Variants in CCDC59 observed in about 807,000 individuals in gnomAD.
CCDC59 encodes thyroid transcription factor 1-associated protein 26.
CCDC59 carries 27 observed loss-of-function variants against 30.5 expected under a neutral mutation model. The ratio of observed to expected loss-of-function variants is 0.89; its 90% CI spans 0.65 to 1.22. CCDC59 has a LOEUF of 1.22. Ranked by LOEUF, CCDC59 falls within the 50% of genes most tolerant of loss-of-function variation. CCDC59 has a pLI of 0.00. For synonymous variants in CCDC59, 125 were observed against 100.9 expected, an observed-to-expected ratio of 1.24 and a Z score of -1.43; for missense variants, 362 against 284.4, an observed-to-expected ratio of 1.27 and a Z score of -1.96.
chr12:82,353,404 T>C, intron 3 of CCDC59, 92 bp from the exon 4 acceptor site: 1 of 1,006,668 alleles, frequency 9.9e-7, no homozygotes, highest in Non-Finnish European at 1.4e-6. Context: ...AAGCAAACAC[T>C]CTAAGGTTTG....
Position 82,352,751 on chromosome 12 carries a change from C to A in CCDC59, c.*400G>T, listed in dbSNP as rs4460873. The A allele has an allele frequency of 6.4e-6, 1 of 155,314 alleles. No individual in the cohort carries two copies. Among genetic ancestry groups the A allele is most frequent in the African/African-American group, 2.4e-5 (1 of 41,452 alleles). The allele number at this position is 155,314 out of a possible 1,614,324, so 9.6% of individuals were successfully genotyped here. On this transcript the variant is annotated 3_prime_UTR_variant, in exon 4 of 4. Transcript: ENST00000256151. The stretch of plus-strand genomic sequence containing the variant: ...TAAAAAGTCCAAGAGGAGTCTTTGC[C>A]TCCCTCATCATTAAAATAAATTTTA...
chr12:82,353,196 A>G lies in CCDC59; in HGVS notation c.681T>C (p.Asn227=), dbSNP rs775825024. 3.1e-6 allele frequency: 5 copies of G among 1,610,060 alleles called. No homozygotes were observed. Among genetic ancestry groups the G allele is most frequent in the Non-Finnish European group, 3.4e-6 (4 of 1,179,150 alleles). ...KKTKKGQPNL[N]VQMEYLLQKI... ...TTTGAAGAAGGTACTCCATTTGTAC[A>G]TTCAAGTTTGGTTGGCCCTTTTTAG... The change falls in exon 4 of 4, where the codon AAT becomes AAC. Residue 227 remains asparagine, a synonymous_variant. Transcript: ENST00000256151.
At chr12:82,358,742 G>A (rs202074644), upstream of CCDC59, 6 of 1,614,140 alleles carry the variant, frequency 3.7e-6, no homozygotes, top group African/African-American at 1.3e-5. Flanking sequence ...AGACAGTGCT[G>A]GCTGCGCTGA....
intron 2 of CCDC59, 173 bp from the exon 3 acceptor site, chr12:82,354,767 TG>T: frequency 2.0e-6 from 1 of 500,070 alleles, no homozygotes; most frequent in Non-Finnish European, 3.2e-6. Context: ...AATCCTAAAA[TG>T]TTAAAAAAAA....
chr12:82,358,519 C>G, upstream of CCDC59: 1 of 1,599,128 alleles, frequency 6.3e-7, no homozygotes, highest in Non-Finnish European at 8.5e-7. Flanking sequence ...CGAGCTGGCG[C>G]CTCACGGCCA....
Position 82,357,182 on chromosome 12 carries a change from A to G in CCDC59, c.242T>C (p.Leu81Pro). The change falls in exon 2 of 4, where the codon CTG becomes CCG. Residue 81 changes from leucine (L) to proline (P), a missense_variant. By Grantham distance (98) the Leu-to-Pro change is moderately conservative. Coordinates refer to ENST00000256151, the MANE Select transcript of CCDC59 (RefSeq NM_014167.5). ...LRKEKKAQTS[L>P]ESQFTDRYPD... Reference sequence around the variant, plus strand: ...GTATCGATCTGTGAATTGAGATTCCAGTGACGTTTGAGCCTTCTTTTCCTT... The same window carrying G: ...GTATCGATCTGTGAATTGAGATTCCGGTGACGTTTGAGCCTTCTTTTCCTT... 6.2e-7 allele frequency: 1 copy of G among 1,614,158 alleles called. No homozygotes were observed. The highest frequency in any genetic ancestry group is 8.5e-7 in the Non-Finnish European group (1 of 1,179,982).
intron 2 of CCDC59, among the ~76,000 whole-genome samples, chr12:82,356,569 A>C (rs1018071836): frequency 6.6e-6 from 1 of 152,168 alleles, no homozygotes; most frequent in African/African-American, 2.4e-5. Flanking sequence ...TTCCCATTTT[A>C]AAGAAGAGGT....
At chr12:82,358,393 C>T, upstream of CCDC59, 2 of 1,612,288 alleles carry the variant, frequency 1.2e-6, no homozygotes, top group African/African-American at 1.3e-5. Context: ...CGACTAACTG[C>T]GTCATCAGAA....
intron 2 of CCDC59, chr12:82,356,224 T>A (rs950361516): frequency 6.6e-6 from 1 of 152,240 alleles, no homozygotes; most frequent in African/African-American, 2.4e-5. Context: ...TAACTTTAAG[T>A]ATGCAGCGAT....
intron 3 of CCDC59, among the ~76,000 whole-genome samples, chr12:82,353,786 C>G (rs1880904727): frequency 1.3e-5 from 2 of 152,084 alleles, no homozygotes; most frequent in Admixed American, 6.5e-5. Context: ...AAAGCAAAAA[C>G]AAGCAAAATT....
chr12:82,354,850 T>A, intron 2 of CCDC59: 1 of 255,110 alleles, frequency 3.9e-6, no homozygotes, highest in South Asian at 7.6e-5. Flanking sequence ...TTAAACTTGT[T>A]GTTTAAGGAT....
chr12:82,357,154 T>C lies in CCDC59; in HGVS notation c.270A>G (p.Pro90=). The change falls in exon 2 of 4, where the codon CCA becomes CCG. Residue 90 remains proline, a synonymous_variant. Coordinates refer to ENST00000256151, the MANE Select transcript of CCDC59 (RefSeq NM_014167.5). ...CTAAATAGAGATGTTTCAGATTATC[T>C]GGGTATCGATCTGTGAATTGAGATT... ...SLESQFTDRY[P]DNLKHLYLAE... The C allele has an allele frequency of 6.2e-7, 1 of 1,614,172 alleles. No homozygotes were observed. Among genetic ancestry groups the C allele is most frequent in the East Asian group, 2.2e-5 (1 of 44,872 alleles).
intron 1 of CCDC59, 152 bp from the exon 2 acceptor site, chr12:82,357,421 A>C: frequency 3.1e-6 from 2 of 646,144 alleles, no homozygotes; most frequent in Non-Finnish European, 5.2e-6. Flanking sequence ...CAAGCAACAA[A>C]TTTAAGCTGA....
In CCDC59 at chr12:82,357,072, G is replaced by A. The variant is rs774729732; in HGVS notation, c.352C>T (p.Gln118Ter). Residue 118 changes from glutamine to a stop codon, truncating the protein, a stop_gained, in exon 2 of 4, where the codon CAA (glutamine) becomes TAA (stop). Transcript: ENST00000256151. LOFTEE classifies it high-confidence loss of function. ...TCTTCAAGCAACGGCTGGTGAACTTGTTCTGACAAAGGATGGTCGACTTTT... is the reference window on the plus strand; with the variant it reads ...TCTTCAAGCAACGGCTGGTGAACTTATTCTGACAAAGGATGGTCGACTTTT... ...ARKVDHPLSE[Q>*]VHQPLLEEQC... is the part of the protein sequence containing the mutation. The A allele has an allele frequency of 6.2e-7, 1 of 1,614,196 alleles. No homozygotes were observed. Among genetic ancestry groups the A allele is most frequent in the Admixed American group, 1.7e-5 (1 of 60,030 alleles).
At position 82,354,568 on chromosome 12, in the gene CCDC59, T is replaced by A. The variant is rs947161885; in HGVS notation, c.491A>T (p.Lys164Ile). Residue 164 changes from lysine (K) to isoleucine (I), a missense_variant, in exon 3 of 4, where the codon AAA (lysine) becomes ATA (isoleucine). Lys to Ile is a moderately radical substitution (Grantham distance 102, BLOSUM62 -3). Transcript: ENST00000256151. ...TGCTTTTTGATTTGATGTTTTCTTT[T>A]TATTTTTCTTTGGAATTGTAAAGGA... The part of the protein sequence containing the change: ...VNSFTIPKKN[K>I]KKTSNQKAQE... 2.5e-6 allele frequency: 4 copies of A among 1,588,306 alleles called. No homozygotes were observed. Among genetic ancestry groups the A allele is most frequent in the African/African-American group, 1.3e-5 (1 of 74,392 alleles).
rs1391828872 is a variant in CCDC59 at position 82,357,086 on chromosome 12, T to C, written c.338A>G (p.His113Arg). Residue 113 changes from histidine to arginine, a missense_variant, in exon 2 of 4, where the codon CAT becomes CGT. Transcript: ENST00000256151. ...CTGGTGAACTTGTTCTGACAAAGGA[T>C]GGTCGACTTTTCTTGCTTGCTTCCT... ...RHRKQARKVD[H>R]PLSEQVHQPL... 2 of 1,614,194 alleles carry C rather than the reference T, an allele frequency of 1.2e-6. No homozygotes were observed. The highest frequency in any genetic ancestry group is 2.2e-5 in the East Asian group (1 of 44,878).
chr12:82,355,887 G>T (rs1045438045), intron 2 of CCDC59: 1 of 152,104 alleles, frequency 6.6e-6, no homozygotes, highest in Admixed American at 6.5e-5. Flanking sequence ...TTAAAAGCAT[G>T]ATTTTTTACC....
Position 82,354,521 on chromosome 12 carries a change from G to C in CCDC59, c.538C>G (p.Gln180Glu), listed in dbSNP as rs1224848616. Reference sequence around the variant, plus strand: ...TGTTTCTTAGCAGCACGTTTGGCTTGTATCTGTTCATATTCTTCTTGTGCT... The same window carrying C: ...TGTTTCTTAGCAGCACGTTTGGCTTCTATCTGTTCATATTCTTCTTGTGCT... The part of the protein sequence containing the change: ...QKAQEEYEQI[Q>E]AKRAAKKQEF... The change falls in exon 3 of 4, where the codon CAA becomes GAA. Residue 180 changes from glutamine (Q) to glutamate (E), a missense_variant. Transcript: ENST00000256151. The C allele has an allele frequency of 6.2e-7, 1 of 1,601,226 alleles. No individual in the cohort carries two copies. Among genetic ancestry groups the C allele is most frequent in the Non-Finnish European group, 8.5e-7 (1 of 1,173,066 alleles).
Position 82,353,163 on chromosome 12 carries a change from T to A in CCDC59, c.714A>T (p.Gln238His), listed in dbSNP as rs1456607310. The A allele has an allele frequency of 4.4e-6, 7 of 1,600,218 alleles. No homozygotes were observed. Among genetic ancestry groups the A allele is most frequent in the Non-Finnish European group, 5.9e-6 (7 of 1,176,714 alleles). The change falls in exon 4 of 4, where the codon CAA becomes CAT. Residue 238 changes from glutamine (Q) to histidine (H), a missense_variant. Gln to His is a conservative substitution (Grantham distance 24). Coordinates refer to ENST00000256151, the MANE Select transcript of CCDC59 (RefSeq NM_014167.5). ...VQMEYLLQKI[Q>H]EKC ...AGGAACAAAATGTTTAACATTTTTC[T>A]TGTATTTTTTGAAGAAGGTACTCCA... is the stretch of plus-strand genomic sequence containing the variant.
Sources: allele counts gnomAD v4.1 joint callset (sites outside exome capture counted in the v4.1 genomes callset), GRCh38; gene constraint gnomAD v4.1.1; transcripts MANE v1.5; gene names NCBI Gene and HGNC (gene_info 2026-07-23, HGNC 2026-07-21).